TAF15: variants seen among roughly 807,000 people sequenced by gnomAD.
TAF15 encodes the protein TATA-box binding protein associated factor 15.
A neutral mutation model predicts 102.5 loss-of-function variants in TAF15; 37 were observed. The observed-to-expected ratio is 0.36, with a 90% CI of 0.28 to 0.47. TAF15 has a LOEUF of 0.47. Ranked by LOEUF, TAF15 falls within the 20% of genes least tolerant of loss-of-function variation. The probability of loss-of-function intolerance (pLI) is 0.99; values close to 1 mark genes in which losing one functional copy is unlikely to be tolerated. For synonymous variants in TAF15, 273 were observed against 259.2 expected, an observed-to-expected ratio of 1.05 and a Z score of -0.51; for missense variants, 652 against 760.7, an observed-to-expected ratio of 0.86 and a Z score of 1.68.
chr17:35,822,813 A>G lies in TAF15; in HGVS notation c.464A>G (p.Asn155Ser). ...CAGTCCTATCATTCACAAAGGGAAA[A>G]CTACAGCCACCACACACAAGGTAAG... ...NQQSYHSQRE[N>S]YSHHTQDDRR... Residue 155 changes from asparagine to serine, a missense_variant, in exon 6 of 16, where the codon AAC becomes AGC. Physicochemically the swap from Asn to Ser is conservative, Grantham distance 46 (BLOSUM62 1). Coordinates refer to ENST00000605844, the MANE Select transcript of TAF15 (RefSeq NM_139215.3). 6.2e-7 allele frequency: 1 copy of G among 1,614,186 alleles called. No homozygotes were observed. Among genetic ancestry groups the G allele is most frequent in the Non-Finnish European group, 8.5e-7 (1 of 1,180,026 alleles).
At chr17:35,842,024 C>G (rs2087554201) in intron 11 of TAF15, among the ~76,000 whole-genome samples, 1 of 151,800 alleles carries the variant, frequency 6.6e-6, no homozygotes, top group Admixed American at 6.6e-5. Context: ...ACACCATCTC[C>G]TTCCCCAGGC....
At chr17:35,823,762 G>A in intron 6 of TAF15, 1 of 345,474 alleles carries the variant, frequency 2.9e-6, no homozygotes, top group Non-Finnish European at 5.4e-6. Flanking sequence ...AAGTTACTAA[G>A]GTTCTTGTAG....
At chr17:35,826,787 C>T (rs2087335654) in intron 7 of TAF15, among the ~76,000 whole-genome samples, 2 of 148,104 alleles carry the variant, frequency 1.4e-5, no homozygotes, top group Admixed American at 6.8e-5. Flanking sequence ...AGGATGGTCT[C>T]GATCTCCTGA....
intron 1 of TAF15, among the ~76,000 whole-genome samples, chr17:35,815,572 A>G (rs1340526638): frequency 6.6e-6 from 1 of 152,206 alleles, no homozygotes; most frequent in Non-Finnish European, 1.5e-5. Context: ...GTACCCTACT[A>G]AAATTTTGCC....
At chr17:35,822,565 C>T (rs755180787) in intron 5 of TAF15, 75 bp from the exon 6 acceptor site, 60 of 1,404,774 alleles carry the variant, frequency 4.3e-5, no homozygotes, top group Non-Finnish European at 5.7e-5. Flanking sequence ...GGACTCTTAA[C>T]ATCAGTTTCA....
At chr17:35,817,117 T>G (rs1311962109) in intron 1 of TAF15, 1 of 152,576 alleles carries the variant, frequency 6.6e-6, no homozygotes, top group Non-Finnish European at 1.5e-5. Flanking sequence ...GTCATTTTTT[T>G]GATTGCTAAA....
At chr17:35,825,096 T>C (rs2087309668) in intron 7 of TAF15, among the ~76,000 whole-genome samples, 1 of 152,234 alleles carries the variant, frequency 6.6e-6, no homozygotes, top group Admixed American at 6.5e-5. Flanking sequence ...TTCATTCTTT[T>C]GCACCTTAGG....
intron 7 of TAF15, among the ~76,000 whole-genome samples, chr17:35,829,248 T>C (rs1429467892): frequency 6.6e-6 from 1 of 152,134 alleles, no homozygotes; most frequent in African/African-American, 2.4e-5. Context: ...AGAATAGAGA[T>C]TCCTGCATTG....
chr17:35,831,844 AGCCTGAGGCGG>A lies in TAF15; in HGVS notation c.606-2060_606-2050del, dbSNP rs2087410436. Among the ~76,000 whole-genome samples the A allele has an allele frequency of 2.6e-5, 4 of 151,756 alleles. No homozygotes were observed. The South Asian group carries it at 8.3e-4, about 32-fold the overall frequency. The stretch of plus-strand genomic sequence containing the variant: ...ACACCTGTAATCCCAGCACTTTGGG[AGCCTGAGGCGG>A]GCAGATCACGAGGTCAGGAGATCGA... On this transcript the variant is annotated intron_variant, in intron 7 of 15. Coordinates refer to ENST00000605844, the MANE Select transcript of TAF15 (RefSeq NM_139215.3).
intron 11 of TAF15, among the ~76,000 whole-genome samples, chr17:35,842,116 C>T (rs1477952359): frequency 6.6e-6 from 1 of 152,116 alleles, no homozygotes; most frequent in Admixed American, 6.6e-5. Context: ...ACACATACCA[C>T]TCCACCTTGT....
rs201725844 is a variant in TAF15, at chr17:35,817,719, C to G, written c.11C>G (p.Ser4Cys). The G allele has an allele frequency of 5.0e-6, 8 of 1,613,204 alleles. No individual in the cohort carries two copies. In the East Asian group the frequency reaches 1.8e-4, roughly 36 times the overall value. ...AAATTCTTTTTATGTGTTCTAGATTCTGGAAGTTACGGTCAGTCTGGGGGT... is the reference window on the plus strand; with the variant it reads ...AAATTCTTTTTATGTGTTCTAGATTGTGGAAGTTACGGTCAGTCTGGGGGT... MSD[S>C]GSYGQSGGEQ... The change falls in exon 2 of 16, where the codon TCT (serine) becomes TGT (cysteine). Residue 4 changes from serine to cysteine, a missense_variant. Coordinates refer to ENST00000605844, the MANE Select transcript of TAF15 (RefSeq NM_139215.3).
chr17:35,842,818 C>T (rs549525425), intron 12 of TAF15, among the ~76,000 whole-genome samples: 17 of 151,952 alleles, frequency 1.1e-4, no homozygotes, highest in African/African-American at 2.7e-4. Context: ...CCACAACCTC[C>T]GCCTCCCGGG....
rs780277405 is a variant in TAF15 at position 35,824,233 on chromosome 17, T to G, written c.605+35T>G. On this transcript the variant is annotated intron_variant, in intron 7 of 15. Coordinates refer to ENST00000605844, the MANE Select transcript of TAF15 (RefSeq NM_139215.3). ...TAGATAAAGATGCGTACATTTCTTC[T>G]TCTTCCTCTTTTTTTTTTTTTTAAG... 1.9e-6 allele frequency: 3 copies of G among 1,596,228 alleles called. No individual in the cohort carries two copies. In the African/African-American group the frequency reaches 4.1e-5, roughly 22 times the overall value.
chr17:35,834,736 A>ATTT, intron 9 of TAF15, 138 bp downstream of exon 9: 21 of 239,358 alleles, frequency 8.8e-5, no homozygotes, highest in Admixed American at 5.1e-4. Context: ...GGGGAGCTTT[A>ATTT]TTTCTTTTTT....
At position 35,838,581 on chromosome 17, in the gene TAF15, A is replaced by G. The variant is rs745372717; in HGVS notation, c.913+28A>G. On this transcript the variant is annotated intron_variant, in intron 11 of 15. Coordinates refer to ENST00000605844, the MANE Select transcript of TAF15 (RefSeq NM_139215.3). The stretch of plus-strand genomic sequence containing the variant: ...ATGCCTCATTCGTATAGTTTTCAGC[A>G]TGAAGTTGGATAAATGTTTTCTAGT... 4.3e-6 allele frequency: 7 copies of G among 1,611,412 alleles called. No individual in the cohort carries two copies. The Admixed American group carries it at 6.7e-5, about 15-fold the overall frequency.
Position 35,834,404 on chromosome 17 carries a change from A to G in TAF15, c.641-162A>G, listed in dbSNP as rs2087444864. ...TTCATCTTGATTTCCTAAACTTTAAATAAAACATAATTTATATATTTACTT... is the reference window on the plus strand; with the variant it reads ...TTCATCTTGATTTCCTAAACTTTAAGTAAAACATAATTTATATATTTACTT... On this transcript the variant is annotated intron_variant, in intron 8 of 15. Coordinates refer to ENST00000605844, the MANE Select transcript of TAF15 (RefSeq NM_139215.3). 9.0e-6 allele frequency: 6 copies of G among 669,232 alleles called. No individual in the cohort carries two copies. In the East Asian group the frequency reaches 1.7e-4, roughly 19 times the overall value. 41.5% of individuals were successfully genotyped at this position (669,232 alleles called of 1,614,324 possible).
At chr17:35,832,795 A>G (rs2087422970) in intron 7 of TAF15, among the ~76,000 whole-genome samples, 1 of 152,176 alleles carries the variant, frequency 6.6e-6, no homozygotes, top group Non-Finnish European at 1.5e-5. Context: ...TTGATAAGAG[A>G]GACCTTAGAT....
At chr17:35,809,670 C>T (rs2087101074) in intron 1 of TAF15, 94 bp downstream of exon 1, 6 of 1,574,786 alleles carry the variant, frequency 3.8e-6, no homozygotes, top group Non-Finnish European at 5.2e-6. Context: ...TGAGGAGAAG[C>T]CTCCGGCCCT....
At chr17:35,812,596 A>C (rs1329587779) in intron 1 of TAF15, among the ~76,000 whole-genome samples, 1 of 151,696 alleles carries the variant, frequency 6.6e-6, no homozygotes, top group Non-Finnish European at 1.5e-5. Flanking sequence ...AAAAAAAAAA[A>C]AAAAAAAAAA....
Sources: allele counts gnomAD v4.1 joint callset (sites outside exome capture counted in the v4.1 genomes callset), GRCh38; gene constraint gnomAD v4.1.1; transcripts MANE v1.5; gene names NCBI Gene and HGNC (gene_info 2026-07-23, HGNC 2026-07-21).